UPP2: variants seen among roughly 807,000 people sequenced by gnomAD.
The protein encoded by UPP2 is UPase 2.
UPP2 carries 23 observed loss-of-function variants against 26.7 expected under a neutral mutation model. The ratio of observed to expected loss-of-function variants is 0.86; its 90% CI spans 0.62 to 1.22. UPP2 has a LOEUF of 1.22. UPP2 is among the 50% of genes most tolerant of loss of function. The probability of loss-of-function intolerance (pLI) is 0.00; values close to 1 mark genes in which losing one functional copy is unlikely to be tolerated. For missense variants in UPP2, 387 were observed against 396.7 expected (o/e 0.98, Z 0.21); for synonymous variants, 127 against 141.3 (o/e 0.90, Z 0.72).
At chr2:158,073,548 A>G (rs1329217452) in intron 3 of UPP2, among the ~76,000 whole-genome samples, 1 of 152,176 alleles carries the variant, frequency 6.6e-6, no homozygotes, top group Non-Finnish European at 1.5e-5. Context: ...TTTAATAATC[A>G]AACTCCCAAA....
chr2:158,012,368 A>G (rs565891353), intron 2 of UPP2, among the ~76,000 whole-genome samples: 57 of 148,048 alleles, frequency 3.9e-4, no homozygotes, highest in African/African-American at 1.4e-3. Context: ...ACCGGATTCA[A>G]GTGATTCTCC....
chr2:158,035,768 G>T (rs1683991302), intron 3 of UPP2, among the ~76,000 whole-genome samples: 1 of 152,192 alleles, frequency 6.6e-6, no homozygotes, highest in South Asian at 2.1e-4. Flanking sequence ...ACATAATTCT[G>T]CAGGGACGGG....
At chr2:158,084,351 A>AT (rs1036959154) in intron 3 of UPP2, among the ~76,000 whole-genome samples, 17 of 150,160 alleles carry the variant, frequency 1.1e-4, no homozygotes, top group East Asian at 3.9e-4. Flanking sequence ...TTTTGATGGG[A>AT]TTTTTTTTTC....
At chr2:158,067,312 G>C (rs1558919989) in intron 3 of UPP2, among the ~76,000 whole-genome samples, 1 of 149,572 alleles carries the variant, frequency 6.7e-6, no homozygotes, top group Admixed American at 6.7e-5. Flanking sequence ...TCATCAGCTT[G>C]TAAAAACTTA....
chr2:158,037,299 T>C (rs1191711664), intron 3 of UPP2, among the ~76,000 whole-genome samples: 4 of 151,934 alleles, frequency 2.6e-5, no homozygotes, highest in African/African-American at 7.3e-5. Flanking sequence ...CGCGTGAACC[T>C]GGGAGGCGGA....
At chr2:158,055,945 G>C (rs552683713) in intron 3 of UPP2, among the ~76,000 whole-genome samples, 2 of 152,172 alleles carry the variant, frequency 1.3e-5, no homozygotes, top group Non-Finnish European at 2.9e-5. Flanking sequence ...ACATTTCCTG[G>C]CATACAGTGA....
At chr2:158,070,005 C>G (rs535411983) in intron 3 of UPP2, among the ~76,000 whole-genome samples, 2 of 152,094 alleles carry the variant, frequency 1.3e-5, no homozygotes, top group African/African-American at 4.8e-5. Flanking sequence ...AATCACCCCC[C>G]AAAGGCCTCA....
intron 3 of UPP2, among the ~76,000 whole-genome samples, chr2:158,042,164 T>C (rs377197768): frequency 9.2e-5 from 14 of 152,166 alleles, no homozygotes; most frequent in Middle Eastern, 3.2e-3. Context: ...AGTTCCCCAC[T>C]TGCAGGAAGA....
exon 2 of UPP2, chr2:157,995,214 T>C (rs1683306824): frequency 8.7e-6 from 14 of 1,613,774 alleles, no homozygotes; most frequent in Non-Finnish European, 1.2e-5. Context: ...GGCCCCAGGC[T>C]GTGAGTTGGA....
intron 3 of UPP2, among the ~76,000 whole-genome samples, chr2:158,087,676 T>C (rs954505833): frequency 7.2e-5 from 11 of 152,200 alleles, no homozygotes; most frequent in African/African-American, 2.2e-4. Context: ...GCAGCTCTTA[T>C]AGAGCTGGCT....
intron 3 of UPP2, 115 bp from the exon 4 acceptor site, chr2:158,117,709 T>C (rs1321484804): frequency 1.2e-6 from 1 of 809,692 alleles, no homozygotes. Flanking sequence ...TGGCAAAGTC[T>C]TAATGATTAT....
intron 2 of UPP2, among the ~76,000 whole-genome samples, chr2:158,014,721 T>C (rs1217439534): frequency 6.6e-6 from 1 of 152,074 alleles, no homozygotes; most frequent in Admixed American, 6.5e-5. Context: ...CTATCAAAAA[T>C]ACAAAAAGAG....
rs956637373 is a variant in UPP2 at position 158,135,564 on chromosome 2, A to G, written c.*674A>G. ...GCCTTCCTTTTTCTTCAGAATCACA[A>G]GTGACTAAATTGCCTTCTAGCCATT... On this transcript the variant is annotated 3_prime_UTR_variant, in exon 7 of 7. Transcript: ENST00000005756. The G allele has an allele frequency of 4.6e-5, 7 of 152,234 alleles. No individual in the cohort carries two copies. The highest frequency in any genetic ancestry group is 1.7e-4 in the African/African-American group (7 of 41,462). 9.4% of individuals were successfully genotyped at this position (152,234 alleles called of 1,614,324 possible).
intron 3 of UPP2, among the ~76,000 whole-genome samples, chr2:158,052,392 G>C (rs6752906): frequency 0.047 from 7,219 of 152,264 alleles, 563 homozygotes; most frequent in African/African-American, 0.16. Context: ...CTGGAAAGAA[G>C]TATACTTGGG....
intron 3 of UPP2, among the ~76,000 whole-genome samples, chr2:158,085,669 A>G (rs1186131583): frequency 6.6e-6 from 1 of 152,102 alleles, no homozygotes; most frequent in Non-Finnish European, 1.5e-5. Flanking sequence ...ACATTGAGGT[A>G]TATCCCTTGT....
chr2:158,076,445 A>G (rs1682631325), intron 3 of UPP2, among the ~76,000 whole-genome samples: 1 of 152,062 alleles, frequency 6.6e-6, no homozygotes, highest in African/African-American at 2.4e-5. Flanking sequence ...AACCAAATTC[A>G]ACAATACAGT....
chr2:158,028,331 G>A (rs1683868148), intron 3 of UPP2, among the ~76,000 whole-genome samples: 1 of 152,090 alleles, frequency 6.6e-6, no homozygotes, highest in African/African-American at 2.4e-5. Flanking sequence ...CAAGTTCAAA[G>A]TTCCACAAAT....
chr2:158,134,595 A>C (rs1024356584), intron 6 of UPP2, among the ~76,000 whole-genome samples, 153 bp from the exon 7 acceptor site: 12 of 152,202 alleles, frequency 7.9e-5, no homozygotes, highest in Non-Finnish European at 1.5e-5. Flanking sequence ...AATATTGAAG[A>C]CCAGAAGGTT....
At chr2:158,058,561 T>C (rs1265532479) in intron 3 of UPP2, among the ~76,000 whole-genome samples, 1 of 152,080 alleles carries the variant, frequency 6.6e-6, no homozygotes, top group East Asian at 1.9e-4. Context: ...TACCTTGATC[T>C]TGGACTTCCA....
Sources: gnomAD v4.1 joint callset for allele counts (sites outside exome capture counted in the v4.1 genomes callset) on GRCh38, gnomAD v4.1.1 for gene constraint, MANE v1.5 for transcripts, NCBI Gene and HGNC (gene_info 2026-07-23, HGNC 2026-07-21) for gene names.